MAP2K4: variants seen among roughly 807,000 people sequenced by gnomAD.
The protein encoded by MAP2K4 is mitogen-activated protein kinase kinase 4, also known as dual specificity mitogen-activated protein kinase kinase 4.
In MAP2K4, 4 loss-of-function variants were observed where a neutral mutation model predicts 48.5. The observed-to-expected ratio is 0.08, with a 90% CI of 0.04 to 0.19. MAP2K4 has a LOEUF of 0.19. Ranked by LOEUF, MAP2K4 falls within the 10% of genes least tolerant of loss-of-function variation. The pLI, the probability that MAP2K4 is intolerant of heterozygous loss-of-function variation, is 1.00. For synonymous variants in MAP2K4, 166 were observed against 173.1 expected (o/e 0.96, Z 0.32); for missense variants, 258 against 493.3 (o/e 0.52, Z 4.52).
chr17:12,086,251 T>C (rs1971357596), intron 3 of MAP2K4, among the ~76,000 whole-genome samples: 1 of 152,192 alleles, frequency 6.6e-6, no homozygotes, highest in African/African-American at 2.4e-5. Context: ...TGTGACTTAC[T>C]TAAGGCATCT....
Position 12,101,730 on chromosome 17 carries a change from A to G in MAP2K4, c.513+6036A>G, listed in dbSNP as rs1024320876. ...AGCAATATTTTATAGTTTTCGCTGT[A>G]TAAGTCTTTCATGCTTTTGCTAGAG... On this transcript the variant is annotated intron_variant, in intron 4 of 10. Transcript: ENST00000353533. 4.6e-5 allele frequency among the ~76,000 whole-genome samples: 7 copies of G among 152,224 alleles called. No individual in the cohort carries two copies. In the East Asian group the frequency reaches 7.7e-4, roughly 17 times the overall value.
At chr17:12,044,061 C>G (rs17541897) in intron 1 of MAP2K4, among the ~76,000 whole-genome samples, 38,284 of 151,934 alleles carry the variant, frequency 0.25, 5,355 homozygotes, top group Middle Eastern at 0.35. Flanking sequence ...GAAAGGGCCA[C>G]ATTATCGGTA....
chr17:12,043,624 C>A (rs1597405958), intron 1 of MAP2K4, among the ~76,000 whole-genome samples: 1 of 152,124 alleles, frequency 6.6e-6, no homozygotes, highest in East Asian at 1.9e-4. Flanking sequence ...CAGGAAATAA[C>A]TTTATTTACT....
chr17:12,090,626 A>G (rs1971530967), intron 3 of MAP2K4, among the ~76,000 whole-genome samples: 2 of 152,050 alleles, frequency 1.3e-5, no homozygotes, highest in South Asian at 2.1e-4. Flanking sequence ...TCACTTCATC[A>G]TCATGCGCTT....
chr17:12,064,694 A>G (rs1476102675), intron 2 of MAP2K4, among the ~76,000 whole-genome samples: 1 of 152,186 alleles, frequency 6.6e-6, no homozygotes, highest in African/African-American at 2.4e-5. Flanking sequence ...CCTGCCCCTG[A>G]CCCAGCAGTC....
chr17:12,049,851 T>G (rs1480512916), intron 1 of MAP2K4, among the ~76,000 whole-genome samples: 2 of 152,220 alleles, frequency 1.3e-5, no homozygotes, highest in African/African-American at 4.8e-5. Context: ...CAGGGAGCTG[T>G]GGTTCCTTGG....
intron 2 of MAP2K4, among the ~76,000 whole-genome samples, chr17:12,058,227 C>CTTTTTTT (rs144800120): frequency 1.5e-5 from 2 of 130,080 alleles, no homozygotes; most frequent in South Asian, 2.5e-4. Flanking sequence ...CTAGACCTTT[C>CTTTTTTT]TTTTTTTTTT....
At chr17:12,106,316 A>G (rs1299538026) in intron 4 of MAP2K4, among the ~76,000 whole-genome samples, 1 of 152,112 alleles carries the variant, frequency 6.6e-6, no homozygotes. Flanking sequence ...AGATCACTCT[A>G]AAGAAAAAGA....
Position 12,060,746 on chromosome 17 carries a change from TGC to T in MAP2K4, c.218+5761_218+5762del, listed in dbSNP as rs71361419. 3.7e-4 allele frequency among the ~76,000 whole-genome samples: 53 copies of T among 143,680 alleles called. 1 individual carries two copies. Among genetic ancestry groups the T allele is most frequent in the African/African-American group, 1.2e-3 (49 of 40,598 alleles). The allele number at this position is 143,680 out of a possible 152,430, so 94.3% of individuals were successfully genotyped here. A position where few individuals can be genotyped will look rare whatever the true frequency, so the allele number is the denominator to read the frequency against. ...ACTATGGGGTGTGTGTGTGTGTGTGTGCGCGCGTGTGTGTGTGTGGCTGGTTT... is the reference window on the plus strand; with the variant it reads ...ACTATGGGGTGTGTGTGTGTGTGTGTGCGCGTGTGTGTGTGTGGCTGGTTT... On this transcript the variant is annotated intron_variant, in intron 2 of 10. Coordinates refer to ENST00000353533, the MANE Select transcript of MAP2K4 (RefSeq NM_003010.4).
intron 4 of MAP2K4, among the ~76,000 whole-genome samples, chr17:12,096,023 C>CT (rs1227409117): frequency 7.9e-6 from 1 of 126,780 alleles, no homozygotes. Context: ...AATATCAGCA[C>CT]TTTTGCTATA....
intron 1 of MAP2K4, among the ~76,000 whole-genome samples, chr17:12,034,291 A>C (rs558975217): frequency 6.6e-6 from 1 of 152,242 alleles, no homozygotes; most frequent in East Asian, 1.9e-4. Flanking sequence ...ATAGGTTTGC[A>C]GTGCGGCCTG....
At chr17:12,025,826 T>C (rs1969235852) in intron 1 of MAP2K4, among the ~76,000 whole-genome samples, 1 of 152,258 alleles carries the variant, frequency 6.6e-6, no homozygotes, top group South Asian at 2.1e-4. Flanking sequence ...GAATATAAAA[T>C]GTATATGAAA....
At chr17:12,063,877 C>T (rs1015851272) in intron 2 of MAP2K4, among the ~76,000 whole-genome samples, 7 of 149,894 alleles carry the variant, frequency 4.7e-5, no homozygotes, top group African/African-American at 1.7e-4. Context: ...GAGGCTGAGG[C>T]GAGAGAATTG....
intron 4 of MAP2K4, 27 bp downstream of exon 4, chr17:12,095,721 C>G (rs2151562019): frequency 6.2e-7 from 1 of 1,607,330 alleles, no homozygotes; most frequent in Non-Finnish European, 8.5e-7. Context: ...TTTTAGCTGA[C>G]TAATGAATAT....
At chr17:12,136,125 G>C (rs928914772) in intron 9 of MAP2K4, among the ~76,000 whole-genome samples, 1 of 152,122 alleles carries the variant, frequency 6.6e-6, no homozygotes, top group African/African-American at 2.4e-5. Context: ...AGAAGCAAAA[G>C]CAAATCATTC....
At chr17:12,073,728 A>G (rs941947959) in intron 2 of MAP2K4, among the ~76,000 whole-genome samples, 1 of 152,044 alleles carries the variant, frequency 6.6e-6, no homozygotes, top group Non-Finnish European at 1.5e-5. Flanking sequence ...TAGTCAAGTT[A>G]ACATATCCGT....
At chr17:12,086,899 T>C (rs919910585) in intron 3 of MAP2K4, among the ~76,000 whole-genome samples, 1 of 152,166 alleles carries the variant, frequency 6.6e-6, no homozygotes, top group African/African-American at 2.4e-5. Flanking sequence ...CAGGCTGGAG[T>C]GCAGTGGCAC....
intron 1 of MAP2K4, among the ~76,000 whole-genome samples, chr17:12,033,161 A>G (rs967868236): frequency 9.9e-5 from 15 of 152,280 alleles, no homozygotes; most frequent in Admixed American, 5.9e-4. Context: ...TTAAGCTTAA[A>G]TGTCATCTGT....
At chr17:12,035,039 T>C (rs902514067) in intron 1 of MAP2K4, among the ~76,000 whole-genome samples, 1 of 152,226 alleles carries the variant, frequency 6.6e-6, no homozygotes, top group East Asian at 1.9e-4. Flanking sequence ...GTACTATCAG[T>C]ACCTATATTT....
Sources: allele counts gnomAD v4.1 joint callset (sites outside exome capture counted in the v4.1 genomes callset), GRCh38; gene constraint gnomAD v4.1.1; transcripts MANE v1.5; gene names NCBI Gene and HGNC (gene_info 2026-07-23, HGNC 2026-07-21).